Variants in TMEM132B observed in about 807,000 individuals in gnomAD.
The protein encoded by TMEM132B is transmembrane protein 132B.
In TMEM132B, 18 loss-of-function variants were observed where a neutral mutation model predicts 90.8. That is an observed-to-expected ratio of 0.20 (90% CI 0.14 to 0.29). TMEM132B has a LOEUF of 0.29. Ranked by LOEUF, TMEM132B falls within the 10% of genes least tolerant of loss-of-function variation. The pLI is 1.00. For missense variants in TMEM132B, 1,096 were observed against 1,326.8 expected (o/e 0.83, Z 2.70); for synonymous variants, 504 against 523.3 (o/e 0.96, Z 0.50).
chr12:125,524,319 G>A (rs1883388870), intron 4 of TMEM132B, among the ~76,000 whole-genome samples: 1 of 152,206 alleles, frequency 6.6e-6, no homozygotes, highest in Non-Finnish European at 1.5e-5. Flanking sequence ...TGGCGTGTGG[G>A]ATTAACAATC....
At chr12:125,652,365 G>C (rs992723472) in intron 7 of TMEM132B, 76 bp from the exon 8 acceptor site, 5 of 1,413,306 alleles carry the variant, frequency 3.5e-6, no homozygotes, top group East Asian at 2.6e-5. Flanking sequence ...AGAGCACTTT[G>C]TTGGGAGCCC....
chr12:125,586,820 C>A (rs149837842), intron 5 of TMEM132B: 23 of 152,272 alleles, frequency 1.5e-4, no homozygotes, highest in African/African-American at 5.3e-4. Flanking sequence ...TAAAGTGCTT[C>A]TTTTAAGTGA....
intron 3 of TMEM132B, among the ~76,000 whole-genome samples, chr12:125,429,398 G>A (rs777089581): frequency 9.2e-5 from 14 of 151,642 alleles, no homozygotes; most frequent in Non-Finnish European, 1.6e-4. Context: ...TAGAGATGGG[G>A]TTTTACAATG....
intron 4 of TMEM132B, among the ~76,000 whole-genome samples, chr12:125,569,154 T>A (rs1357874947): frequency 6.6e-6 from 1 of 152,104 alleles, no homozygotes; most frequent in Non-Finnish European, 1.5e-5. Context: ...GTTGCCTGCT[T>A]GGCTTTTGTG....
chr12:125,347,379 G>T (rs888524541), intron 1 of TMEM132B, among the ~76,000 whole-genome samples: 1 of 152,178 alleles, frequency 6.6e-6, no homozygotes, highest in African/African-American at 2.4e-5. Context: ...CATTTGAGGA[G>T]AATTTGCTTT....
chr12:125,196,480 G>A (rs890936269), intron 1 of TMEM132B, among the ~76,000 whole-genome samples: 1 of 152,212 alleles, frequency 6.6e-6, no homozygotes, highest in African/African-American at 2.4e-5. Context: ...GGCCGAGGTG[G>A]GTGGATCACA....
chr12:125,511,576 C>T (rs1017782740), intron 3 of TMEM132B, among the ~76,000 whole-genome samples: 2 of 152,004 alleles, frequency 1.3e-5, no homozygotes, highest in Non-Finnish European at 2.9e-5. Flanking sequence ...CCAGGCCGGG[C>T]ACGGTGGCTC....
At chr12:125,553,832 A>G (rs1053497673) in intron 4 of TMEM132B, among the ~76,000 whole-genome samples, 1 of 152,210 alleles carries the variant, frequency 6.6e-6, no homozygotes, top group African/African-American at 2.4e-5. Flanking sequence ...TCCAAATGTA[A>G]TTTAATACAG....
chr12:125,269,657 G>A (rs558729242), intron 1 of TMEM132B, among the ~76,000 whole-genome samples: 3 of 152,222 alleles, frequency 2.0e-5, no homozygotes, highest in East Asian at 3.9e-4. Flanking sequence ...AGTTCAGTAG[G>A]ATCCAGCACG....
At chr12:125,495,295 AAATGGCTGCG>A (rs1882530487) in intron 3 of TMEM132B, among the ~76,000 whole-genome samples, 1 of 107,568 alleles carries the variant, frequency 9.3e-6, no homozygotes, top group Non-Finnish European at 1.8e-5. Context: ...TCCTCCCTGT[AAATGGCTGCG>A]TCCCTCCTCC....
chr12:125,634,430 A>G (rs1475821068), intron 5 of TMEM132B, among the ~76,000 whole-genome samples: 1 of 152,212 alleles, frequency 6.6e-6, no homozygotes, highest in Non-Finnish European at 1.5e-5. Flanking sequence ...ATGTGTGGTC[A>G]AGCTGGTACC....
At chr12:125,563,598 C>CAAACAAA (rs774597550) in intron 4 of TMEM132B, among the ~76,000 whole-genome samples, 9 of 150,296 alleles carry the variant, frequency 6.0e-5, no homozygotes, top group African/African-American at 2.0e-4. Flanking sequence ...AACAAACAAA[C>CAAACAAA]AAAAAAAAAC....
intron 3 of TMEM132B, among the ~76,000 whole-genome samples, chr12:125,432,165 A>G (rs1880528265): frequency 6.6e-6 from 1 of 151,344 alleles, no homozygotes; most frequent in Admixed American, 6.6e-5. Flanking sequence ...AAGCAAAAGC[A>G]AGGTTGGGCA....
intron 4 of TMEM132B, among the ~76,000 whole-genome samples, chr12:125,535,514 C>CT (rs1188766029): frequency 6.6e-6 from 1 of 152,256 alleles, no homozygotes; most frequent in Admixed American, 6.5e-5. Context: ...TTCAGGAAAG[C>CT]TTTTTTGCCA....
rs1391125717 is a variant in TMEM132B at position 125,251,121 on chromosome 12, A to G, written c.67+64255A>G. On this transcript the variant is annotated intron_variant, in intron 1 of 8. Transcript: ENST00000682704. The surrounding 1 kb of genome is among the most constrained non-coding windows in gnomAD (Gnocchi z 4.4). ...TCCCCTTTGATTTCTTCAGTAGGAC[A>G]TCATCCTTCAATAGGGCAGAGGTGT... Among the ~76,000 whole-genome samples the G allele has an allele frequency of 2.6e-5, 4 of 152,232 alleles. No individual in the cohort carries two copies. Among genetic ancestry groups the G allele is most frequent in the Non-Finnish European group, 5.9e-5 (4 of 68,028 alleles).
At chr12:125,371,401 G>C (rs978146499) in intron 2 of TMEM132B, among the ~76,000 whole-genome samples, 1 of 152,196 alleles carries the variant, frequency 6.6e-6, no homozygotes, top group African/African-American at 2.4e-5. Flanking sequence ...GGGCATCCGA[G>C]GGACCCGGGG....
At chr12:125,416,121 C>T (rs972593659) in intron 3 of TMEM132B, among the ~76,000 whole-genome samples, 4 of 152,152 alleles carry the variant, frequency 2.6e-5, no homozygotes, top group Non-Finnish European at 4.4e-5. Context: ...TGCTGGAAGG[C>T]GGCCTGTCTT....
chr12:125,407,239 G>T lies in TMEM132B; in HGVS notation c.960-8292G>T, dbSNP rs186005963. Among the ~76,000 whole-genome samples the T allele has an allele frequency of 1.3e-5, 2 of 152,188 alleles. No homozygotes were observed. The highest frequency in any genetic ancestry group is 1.5e-5 in the Non-Finnish European group (1 of 68,042). ...TCTTATCAGGCAAGAAATTCCAAAG[G>T]CTTAAAAGTTAGTTCTCAGGAGGTG... On this transcript the variant is annotated intron_variant, in intron 2 of 8. Transcript: ENST00000682704. The surrounding 1 kb of genome is among the most constrained non-coding windows in gnomAD (Gnocchi z 6.7).
chr12:125,569,551 C>T (rs921169881), intron 4 of TMEM132B, among the ~76,000 whole-genome samples: 8 of 152,142 alleles, frequency 5.3e-5, no homozygotes, highest in African/African-American at 1.9e-4. Context: ...CTTACCTTCC[C>T]TATGGGACTT....
Sources: gnomAD v4.1 joint callset for allele counts (sites outside exome capture counted in the v4.1 genomes callset) on GRCh38, gnomAD v4.1.1 for gene constraint, Gnocchi (gnomAD v3.1) non-coding constraint, MANE v1.5 for transcripts, NCBI Gene and HGNC (gene_info 2026-07-23, HGNC 2026-07-21) for gene names.